DCHS2: variants seen among roughly 807,000 people sequenced by gnomAD.
DCHS2 encodes the protein protocadherin-23.
A neutral mutation model predicts 182.4 loss-of-function variants in DCHS2; 142 were observed. The ratio of observed to expected loss-of-function variants is 0.78; its 90% CI spans 0.68 to 0.89. The LOEUF (loss-of-function observed/expected upper bound fraction) is 0.89. DCHS2 is among the 40% of genes least tolerant of loss of function. The pLI, the probability that DCHS2 is intolerant of heterozygous loss-of-function variation, is 0.00. For missense variants in DCHS2, 4,319 were observed against 4,198.6 expected (o/e 1.03, Z -0.79); for synonymous variants, 1,740 against 1,663.3 (o/e 1.05, Z -1.12).
chr4:154,258,367 C>CTTTTTTTTTTTTTTT (rs771510956), intron 15 of DCHS2, among the ~76,000 whole-genome samples: 5 of 58,850 alleles, frequency 8.5e-5, no homozygotes, highest in Non-Finnish European at 1.1e-4. Flanking sequence ...AAAAGAAAGG[C>CTTTTTTTTTTTTTTT]TTTTTTTTTT....
chr4:154,349,188 C>A lies in DCHS2; in HGVS notation c.2477-14084G>T, dbSNP rs552439954. ...CAGTGAGCTGAGCAGAAGTGGCTGG[C>A]TTTATAGACAGAAAAGGAAAACAGA... On this transcript the variant is annotated intron_variant, in intron 3 of 19. Coordinates refer to ENST00000357232, the MANE Select transcript of DCHS2 (RefSeq NM_001358235.2). 3.3e-5 allele frequency among the ~76,000 whole-genome samples: 5 copies of A among 151,556 alleles called. No homozygotes were observed. The East Asian group carries it at 9.6e-4, about 29-fold the overall frequency.
chr4:154,322,751 A>C, intron 7 of DCHS2: 2 of 361,052 alleles, frequency 5.5e-6, no homozygotes, highest in East Asian at 5.8e-5. Flanking sequence ...TGATCAGCTC[A>C]TGGCCAATCT....
intron 15 of DCHS2, 37 bp from the exon 16 acceptor site, chr4:154,255,707 T>G: frequency 6.3e-7 from 1 of 1,598,520 alleles, no homozygotes; most frequent in Non-Finnish European, 8.5e-7. Flanking sequence ...ATAAGATTTA[T>G]TCTGCAATAT....
chr4:154,316,077 A>G lies in DCHS2; in HGVS notation c.5021-90T>C, dbSNP rs934761058. On this transcript the variant is annotated intron_variant, in intron 9 of 19. Coordinates refer to ENST00000357232, the MANE Select transcript of DCHS2 (RefSeq NM_001358235.2). ...CACTTATATCTAACTTGTCTACCTA[A>G]TAAAAATTCAGAAGTCTTAACTGCT... The G allele has an allele frequency of 6.5e-6, 10 of 1,530,740 alleles. No individual in the cohort carries two copies. The Admixed American group carries it at 2.0e-4, about 31-fold the overall frequency. The allele number at this position is 1,530,740 out of a possible 1,614,324, so 94.8% of individuals were successfully genotyped here. A position where few individuals can be genotyped will look rare whatever the true frequency, so the allele number is the denominator to read the frequency against.
At chr4:154,464,023 A>G (rs528163690) in intron 1 of DCHS2, among the ~76,000 whole-genome samples, 1 of 152,318 alleles carries the variant, frequency 6.6e-6, no homozygotes, top group South Asian at 2.1e-4. Context: ...CTATCCGTCC[A>G]AAGTACGAGT....
chr4:154,344,642 G>A (rs1424477191), intron 3 of DCHS2, among the ~76,000 whole-genome samples: 1 of 152,178 alleles, frequency 6.6e-6, no homozygotes, highest in Non-Finnish European at 1.5e-5. Context: ...CCTTCTCTAG[G>A]GTTGCAGAAA....
rs768187988 is a variant in DCHS2 at position 154,239,177 on chromosome 4, A to G, written c.7485T>C (p.Pro2495=). The part of the protein sequence containing the change: ...LSSSKEFSID[P]KNGTIFTISP... Reference sequence around the variant, plus strand: ...CAATTATAAATAACTCACCATTCTTAGGATCAATGGAGAATTCCTTAGAAG... The same window carrying G: ...CAATTATAAATAACTCACCATTCTTGGGATCAATGGAGAATTCCTTAGAAG... Residue 2495 remains proline (P), a synonymous_variant, in exon 19 of 20, where the codon CCT becomes CCC. Transcript: ENST00000357232. 30 of 1,611,636 alleles carry G rather than the reference A, an allele frequency of 1.9e-5. No homozygotes were observed. The highest frequency in any genetic ancestry group is 2.3e-5 in the Non-Finnish European group (27 of 1,179,118).
In DCHS2 at chr4:154,375,993, T is replaced by C. The variant is rs578127144; in HGVS notation, c.2244+1260A>G. Reference sequence around the variant, plus strand: ...TCGACAGAAACACATACTGTATGATTCCATTCACTGAAAGTTAAAAAAATT... The same window carrying C: ...TCGACAGAAACACATACTGTATGATCCCATTCACTGAAAGTTAAAAAAATT... On this transcript the variant is annotated intron_variant, in intron 2 of 19. Transcript: ENST00000357232. 3.3e-5 allele frequency among the ~76,000 whole-genome samples: 5 copies of C among 152,236 alleles called. No individual in the cohort carries two copies. The South Asian group carries it at 1.0e-3, about 32-fold the overall frequency.
intron 3 of DCHS2, among the ~76,000 whole-genome samples, chr4:154,353,315 A>G (rs962115244): frequency 1.3e-5 from 2 of 152,180 alleles, no homozygotes; most frequent in African/African-American, 4.8e-5. Flanking sequence ...CACACAAAAA[A>G]TCAGGAAATA....
At chr4:154,330,117 C>T (rs770309807) in intron 5 of DCHS2, among the ~76,000 whole-genome samples, 12 of 152,188 alleles carry the variant, frequency 7.9e-5, no homozygotes, top group Admixed American at 1.3e-4. Context: ...TTCCCCATCT[C>T]AGACATGGAA....
chr4:154,386,001 G>T (rs1375205278), intron 1 of DCHS2, among the ~76,000 whole-genome samples: 1 of 151,936 alleles, frequency 6.6e-6, no homozygotes, highest in Non-Finnish European at 1.5e-5. Flanking sequence ...TGACTAATTG[G>T]CATCTCAAAT....
chr4:154,480,993 C>A (rs1735899165), intron 1 of DCHS2, among the ~76,000 whole-genome samples: 1 of 152,086 alleles, frequency 6.6e-6, no homozygotes, highest in South Asian at 2.1e-4. Context: ...TGCAAAAGAA[C>A]TTTTAAGGAA....
At chr4:154,331,657 C>T (rs1280861047) in intron 5 of DCHS2, 3 of 1,613,836 alleles carry the variant, frequency 1.9e-6, no homozygotes, top group Admixed American at 1.7e-5. Context: ...AAAGTCTGTC[C>T]CACTAAAGGC....
Position 154,328,125 on chromosome 4 carries a change from T to C in DCHS2, c.3986A>G (p.Asn1329Ser), listed in dbSNP as rs1561045035. ...TVFAKDPDEGNNAEVTYSVSS... is the reference protein window; with the variant it reads ...TVFAKDPDEGSNAEVTYSVSS... ...TACTGAGTATGTAACTTCTGCATTATTTCCTTCATCAGGATCCTTTGCAAA... is the reference window on the plus strand; with the variant it reads ...TACTGAGTATGTAACTTCTGCATTACTTCCTTCATCAGGATCCTTTGCAAA... Residue 1329 changes from asparagine to serine, a missense_variant, in exon 7 of 20, where the codon AAT (asparagine) becomes AGT (serine). Transcript: ENST00000357232. The C allele has an allele frequency of 3.7e-6, 6 of 1,608,960 alleles. No individual in the cohort carries two copies. The highest frequency in any genetic ancestry group is 5.1e-6 in the Non-Finnish European group (6 of 1,177,666).
chr4:154,278,834 G>A (rs554980154), intron 13 of DCHS2, among the ~76,000 whole-genome samples: 119 of 152,134 alleles, frequency 7.8e-4, no homozygotes, highest in African/African-American at 2.7e-3. Flanking sequence ...ATAAACAAAC[G>A]TTGAGGGATT....
At chr4:154,377,757 G>T (rs76596573) in intron 1 of DCHS2, among the ~76,000 whole-genome samples, 7 of 152,062 alleles carry the variant, frequency 4.6e-5, no homozygotes, top group African/African-American at 1.7e-4. Flanking sequence ...TTCACTATAC[G>T]TAACTAATCT....
chr4:154,238,450 G>T (rs1731642089), intron 19 of DCHS2, among the ~76,000 whole-genome samples: 1 of 152,136 alleles, frequency 6.6e-6, no homozygotes, highest in Non-Finnish European at 1.5e-5. Flanking sequence ...AGTATGCTCT[G>T]CTAGGGACAT....
At chr4:154,304,628 TAAA>T (rs550030002) in intron 12 of DCHS2, 38 bp downstream of exon 12, 2 of 1,352,964 alleles carry the variant, frequency 1.5e-6, no homozygotes, top group Non-Finnish European at 2.0e-6. Flanking sequence ...GACTCTGTCT[TAAA>T]AAAACAAACA....
At chr4:154,344,365 G>A (rs1289784272) in intron 3 of DCHS2, among the ~76,000 whole-genome samples, 1 of 152,092 alleles carries the variant, frequency 6.6e-6, no homozygotes, top group Non-Finnish European at 1.5e-5. Flanking sequence ...AATGAAGTGG[G>A]GTATGTCTGT....
Sources: allele counts gnomAD v4.1 joint callset (sites outside exome capture counted in the v4.1 genomes callset), GRCh38; gene constraint gnomAD v4.1.1; transcripts MANE v1.5; gene names NCBI Gene and HGNC (gene_info 2026-07-23, HGNC 2026-07-21).